Variants in TBCB observed in about 807,000 individuals in gnomAD.
TBCB encodes tubulin folding cofactor B.
In TBCB, 18 loss-of-function variants were observed where a neutral mutation model predicts 29.2. The ratio of observed to expected loss-of-function variants is 0.62; its 90% CI spans 0.43 to 0.91. TBCB has a LOEUF of 0.91. Among genes scored for constraint, TBCB ranks in the 40% least tolerant of loss-of-function variants. The pLI is 0.00. For missense variants in TBCB, 336 were observed against 337.6 expected (o/e 1.00, Z 0.04); for synonymous variants, 172 against 137.8 (o/e 1.25, Z -1.74).
chr19:36,125,360 T>G lies in TBCB; in HGVS notation c.548-91T>G. 28 of 1,375,168 alleles carry G rather than the reference T, an allele frequency of 2.0e-5. No homozygotes were observed. The South Asian group carries it at 3.2e-4, about 15-fold the overall frequency. The allele number at this position is 1,375,168 out of a possible 1,614,324, so 85.2% of individuals were successfully genotyped here. Reference sequence around the variant, plus strand: ...TTCACCAAGACAGGCTTCTACTCAATGGGTAGGCATGGATCCAGGGTGATC... The same window carrying G: ...TTCACCAAGACAGGCTTCTACTCAAGGGGTAGGCATGGATCCAGGGTGATC... On this transcript the variant is annotated intron_variant, in intron 4 of 5. Coordinates refer to ENST00000221855, the MANE Select transcript of TBCB (RefSeq NM_001281.3).
At chr19:36,123,855 A>G (rs1448252529) in intron 4 of TBCB, among the ~76,000 whole-genome samples, 2 of 152,166 alleles carry the variant, frequency 1.3e-5, no homozygotes, top group Non-Finnish European at 1.5e-5. Flanking sequence ...AGCCTGGGCA[A>G]CCATGCAAGA....
In TBCB at chr19:36,121,566, G is replaced by A. The variant is rs578101320; in HGVS notation, c.395G>A (p.Arg132Gln). 12 of 1,559,604 alleles carry A rather than the reference G, an allele frequency of 7.7e-6. No individual in the cohort carries two copies. The Admixed American group carries it at 9.5e-5, about 12-fold the overall frequency. ...RSFLKRSKLG[R>Q]YNEEERAQQE... The stretch of plus-strand genomic sequence containing the variant: ...TTCCTGAAGCGCAGCAAGCTCGGCC[G>A]GTACAACGAGGAGGAGCGGGCTCAG... Residue 132 changes from arginine (R) to glutamine (Q), a missense_variant, in exon 4 of 6, where the codon CGG becomes CAG. Coordinates refer to ENST00000221855, the MANE Select transcript of TBCB (RefSeq NM_001281.3).
At chr19:36,124,222 C>G (rs185188027) in intron 4 of TBCB, among the ~76,000 whole-genome samples, 24 of 152,196 alleles carry the variant, frequency 1.6e-4, no homozygotes, top group Non-Finnish European at 3.4e-4. Context: ...CTATTCAGAT[C>G]CTTTGCCTTT....
In TBCB at chr19:36,115,491, G is replaced by GCA; in HGVS notation, c.-70_-69insCA. 30 of 988,896 alleles carry GCA rather than the reference G, an allele frequency of 3.0e-5. No individual in the cohort carries two copies. The highest frequency in any genetic ancestry group is 7.5e-5 in the African/African-American group (4 of 53,064). 61.3% of individuals were successfully genotyped at this position (988,896 alleles called of 1,614,324 possible). A position where few individuals can be genotyped will look rare whatever the true frequency, so the allele number is the denominator to read the frequency against. ...GGGCTGATAGCCCAGCAGCAGCAGC[G>GCA]GCGGCGGCGGCTGCGGAGCGGGTGT... On this transcript the variant is annotated 5_prime_UTR_variant, in exon 1 of 6. Transcript: ENST00000221855.
chr19:36,121,660 C>T lies in TBCB; in HGVS notation c.489C>T (p.Ser163=). The stretch of plus-strand genomic sequence containing the variant: ...AGGCCAGCTCCATCCCCGTGGGCAG[C>T]CGCTGTGAGGTGCGGGCGGCGGGAC... ...KAQASSIPVG[S]RCEVRAAGQS... Residue 163 remains serine, a synonymous_variant, in exon 4 of 6, where the codon AGC becomes AGT. Coordinates refer to ENST00000221855, the MANE Select transcript of TBCB (RefSeq NM_001281.3). 3.8e-6 allele frequency: 6 copies of T among 1,563,248 alleles called. No homozygotes were observed. The highest frequency in any genetic ancestry group is 1.9e-5 in the Admixed American group (1 of 52,886).
At position 36,115,679 on chromosome 19, in the gene TBCB, G is replaced by T. The variant is rs573537333; in HGVS notation, c.114+5G>T. 97 of 1,589,148 alleles carry T rather than the reference G, an allele frequency of 6.1e-5. 1 individual carries two copies. In the South Asian group the frequency reaches 1.0e-3, roughly 17 times the overall value. Reference sequence around the variant, plus strand: ...CTCACCATCGCTGAGTTCAAGGTGTGGCCATGGGGGCGGGGTCCGGAGGGG... The same window carrying T: ...CTCACCATCGCTGAGTTCAAGGTGTTGCCATGGGGGCGGGGTCCGGAGGGG... On this transcript the variant is annotated splice_donor_5th_base_variant and intron_variant, in intron 1 of 5. Transcript: ENST00000221855.
At chr19:36,121,476 C>T (rs777885464) in intron 3 of TBCB, 51 bp from the exon 4 acceptor site, 2 of 1,515,810 alleles carry the variant, frequency 1.3e-6, no homozygotes, top group Non-Finnish European at 1.8e-6. Flanking sequence ...GAGCGTCATC[C>T]TGTTAGGCCC....
intron 4 of TBCB, among the ~76,000 whole-genome samples, chr19:36,124,706 G>A (rs1264306281): frequency 6.6e-6 from 1 of 152,130 alleles, no homozygotes; most frequent in Non-Finnish European, 1.5e-5. Context: ...ACCACACCCG[G>A]CTAATTTTTT....
At chr19:36,119,838 G>A (rs1205504941) in intron 2 of TBCB, among the ~76,000 whole-genome samples, 11 of 151,364 alleles carry the variant, frequency 7.3e-5, no homozygotes, top group Admixed American at 7.3e-4. Context: ...AGAGGTTTCC[G>A]TGAGCTGAGA....
Position 36,120,752 on chromosome 19 carries a change from G to A in TBCB, c.301G>A (p.Val101Met), listed in dbSNP as rs371592763. 64 of 1,614,102 alleles carry A rather than the reference G, an allele frequency of 4.0e-5. No homozygotes were observed. The highest frequency in any genetic ancestry group is 1.8e-4 in the East Asian group (8 of 44,868). ...CGCCCGCCTTGGTGAGTATGAGGACGTGTCCCGGGTGGAGAAGTACACGAT... is the reference window on the plus strand; with the variant it reads ...CGCCCGCCTTGGTGAGTATGAGGACATGTCCCGGGTGGAGAAGTACACGAT... ...SGARLGEYED[V>M]SRVEKYTISQ... Residue 101 changes from valine (V) to methionine (M), a missense_variant, in exon 3 of 6, where the codon GTG becomes ATG. Val to Met is a conservative substitution (Grantham distance 21). Transcript: ENST00000221855.
rs894339009 is a variant in TBCB at position 36,121,706 on chromosome 19, G to A, written c.535G>A (p.Val179Ile). ...AAGQSPRRGT[V>I]MYVGLTDFKP... is the part of the protein sequence containing the mutation. ...GGGACAATCCCCTCGCCGGGGCACC[G>A]TCATGTATGTAGGTGCGTGGCTCGC... The change falls in exon 4 of 6, where the codon GTC (valine) becomes ATC (isoleucine). Residue 179 changes from valine (V) to isoleucine (I), a missense_variant. Transcript: ENST00000221855. 6.4e-6 allele frequency: 10 copies of A among 1,551,456 alleles called. No homozygotes were observed. The highest frequency in any genetic ancestry group is 1.4e-5 in the African/African-American group (1 of 73,250).
At chr19:36,117,341 G>GTT (rs1380478116) in intron 2 of TBCB, among the ~76,000 whole-genome samples, 1 of 152,058 alleles carries the variant, frequency 6.6e-6, no homozygotes, top group Non-Finnish European at 1.5e-5. Flanking sequence ...TCCGTGAATC[G>GTT]TTTTTTGTTT....
intron 4 of TBCB, 72 bp downstream of exon 4, chr19:36,121,790 G>A (rs967134449): frequency 1.3e-6 from 2 of 1,532,958 alleles, no homozygotes; most frequent in Non-Finnish European, 8.8e-7. Context: ...GGGCACAGTG[G>A]AGCCTCGGAG....
intron 2 of TBCB, 68 bp from the exon 3 acceptor site, chr19:36,120,642 C>A: frequency 7.2e-7 from 1 of 1,385,106 alleles, no homozygotes; most frequent in South Asian, 1.2e-5. Context: ...ACACTGAAGT[C>A]CCTGCACCCA....
In TBCB at chr19:36,121,702, C is replaced by A; in HGVS notation, c.531C>A (p.Gly177=). ...CGGCGGGACAATCCCCTCGCCGGGGCACCGTCATGTATGTAGGTGCGTGGC... is the reference window on the plus strand; with the variant it reads ...CGGCGGGACAATCCCCTCGCCGGGGAACCGTCATGTATGTAGGTGCGTGGC... The part of the protein sequence containing the change: ...VRAAGQSPRR[G]TVMYVGLTDF... The change falls in exon 4 of 6, where the codon GGC becomes GGA. Residue 177 remains glycine, a synonymous_variant. Transcript: ENST00000221855. 6.4e-7 allele frequency: 1 copy of A among 1,551,592 alleles called. No homozygotes were observed. The highest frequency in any genetic ancestry group is 1.9e-5 in the Admixed American group (1 of 51,510).
chr19:36,119,692 G>A (rs1460336853), intron 2 of TBCB, among the ~76,000 whole-genome samples: 1 of 152,114 alleles, frequency 6.6e-6, no homozygotes, highest in Non-Finnish European at 1.5e-5. Flanking sequence ...AGGAGTTCTA[G>A]ACCAGCCTGA....
intron 4 of TBCB, among the ~76,000 whole-genome samples, chr19:36,123,032 A>G (rs1260044291): frequency 3.3e-5 from 5 of 152,084 alleles, no homozygotes; most frequent in African/African-American, 1.2e-4. Flanking sequence ...GATGTTTCAT[A>G]GGAATAGGAT....
At chr19:36,116,705 T>G (rs933775484) in intron 2 of TBCB, 3 of 152,436 alleles carry the variant, frequency 2.0e-5, no homozygotes, top group Non-Finnish European at 4.4e-5. Flanking sequence ...TCGGGCTCAC[T>G]GCAGCCTTCA....
At chr19:36,115,849 A>G in intron 1 of TBCB, 175 bp downstream of exon 1, 2 of 1,057,084 alleles carry the variant, frequency 1.9e-6, no homozygotes, top group Non-Finnish European at 1.4e-6. Flanking sequence ...TCGAGAGTGC[A>G]GAGATGAGGG....
Sources: allele counts gnomAD v4.1 joint callset (sites outside exome capture counted in the v4.1 genomes callset), GRCh38; gene constraint gnomAD v4.1.1; transcripts MANE v1.5; gene names NCBI Gene and HGNC (gene_info 2026-07-23, HGNC 2026-07-21).